Variants in TCERG1L observed in about 807,000 individuals in gnomAD.
The protein encoded by TCERG1L is transcription elongation regulator 1-like protein.
TCERG1L carries 37 observed loss-of-function variants against 56.3 expected under a neutral mutation model. That is an observed-to-expected ratio of 0.66 (90% CI 0.51 to 0.87). The LOEUF (loss-of-function observed/expected upper bound fraction) is 0.87. Among genes scored for constraint, TCERG1L ranks in the 40% least tolerant of loss-of-function variants. The probability of loss-of-function intolerance (pLI) is 0.00; values close to 1 mark genes in which losing one functional copy is unlikely to be tolerated. For missense variants in TCERG1L, 799 were observed against 774.2 expected (o/e 1.03, Z -0.38); for synonymous variants, 324 against 326.3 (o/e 0.99, Z 0.08).
intron 10 of TCERG1L, 57 bp from the exon 11 acceptor site, chr10:131,098,481 C>A (rs1270791191): frequency 9.2e-6 from 14 of 1,513,994 alleles, no homozygotes; most frequent in East Asian, 2.5e-5. Context: ...GAAATGAAAT[C>A]TTGTATTCCA....
intron 4 of TCERG1L, among the ~76,000 whole-genome samples, chr10:131,195,767 G>A (rs907691006): frequency 8.5e-5 from 13 of 152,202 alleles, no homozygotes; most frequent in Non-Finnish European, 1.5e-4. Context: ...CCCCTGCCAT[G>A]GCCGGCCATG....
chr10:131,274,918 A>T (rs1307432130), intron 3 of TCERG1L, among the ~76,000 whole-genome samples: 1 of 152,226 alleles, frequency 6.6e-6, no homozygotes, highest in African/African-American at 2.4e-5. Flanking sequence ...GGAGTCAGGC[A>T]GGCTCGAGAT....
At chr10:131,116,765 G>A (rs776647685) in intron 9 of TCERG1L, 34 bp downstream of exon 9, 91 of 1,544,856 alleles carry the variant, frequency 5.9e-5, no homozygotes, top group South Asian at 2.0e-4. Context: ...CGGGTCTGCC[G>A]TAGGAGTGCA....
At chr10:131,303,204 T>C (rs764269617) in intron 3 of TCERG1L, among the ~76,000 whole-genome samples, 2 of 152,116 alleles carry the variant, frequency 1.3e-5, no homozygotes, top group Non-Finnish European at 2.9e-5. Context: ...ATCACCATAC[T>C]GTCTTCCACA....
chr10:131,218,247 A>G (rs1288983144), intron 4 of TCERG1L, among the ~76,000 whole-genome samples: 1 of 152,214 alleles, frequency 6.6e-6, no homozygotes, highest in Non-Finnish European at 1.5e-5. Context: ...GTGCTGTGTA[A>G]GAAAGCACCA....
At chr10:131,298,169 G>A (rs1026277600) in intron 3 of TCERG1L, among the ~76,000 whole-genome samples, 14 of 146,082 alleles carry the variant, frequency 9.6e-5, no homozygotes, top group South Asian at 4.3e-4. Flanking sequence ...TAATATAGGC[G>A]TTTTAATGCT....
Position 131,309,021 on chromosome 10 carries a change from T to C in TCERG1L, c.489+132A>G, listed in dbSNP as rs557686078. 2.8e-5 allele frequency: 29 copies of C among 1,026,954 alleles called. No individual in the cohort carries two copies. The African/African-American group carries it at 4.0e-4, about 14-fold the overall frequency. 63.6% of individuals were successfully genotyped at this position (1,026,954 alleles called of 1,614,324 possible). ...TGAACAAATCAATCTAATCCTGAAATGATTTATTTCTATACCTAGATGGCC... is the reference window on the plus strand; with the variant it reads ...TGAACAAATCAATCTAATCCTGAAACGATTTATTTCTATACCTAGATGGCC... On this transcript the variant is annotated intron_variant, in intron 2 of 11. Coordinates refer to ENST00000368642, the MANE Select transcript of TCERG1L (RefSeq NM_174937.4).
chr10:131,237,982 C>T (rs1845931271), intron 4 of TCERG1L, among the ~76,000 whole-genome samples: 1 of 152,232 alleles, frequency 6.6e-6, no homozygotes, highest in African/African-American at 2.4e-5. Flanking sequence ...TAATGTGGAG[C>T]ATCCCTAACT....
At chr10:131,213,636 C>T (rs1370560166) in intron 4 of TCERG1L, among the ~76,000 whole-genome samples, 2 of 152,202 alleles carry the variant, frequency 1.3e-5, no homozygotes, top group Admixed American at 1.3e-4. Flanking sequence ...GATGCAGCTA[C>T]TTAATTATGC....
At chr10:131,108,901 G>A (rs143591815) in intron 9 of TCERG1L, among the ~76,000 whole-genome samples, 284 of 152,334 alleles carry the variant, frequency 1.9e-3, no homozygotes, top group Non-Finnish European at 3.3e-3. Context: ...CTGCCTGCAG[G>A]TCCTTGCCCC....
chr10:131,163,842 T>C (rs1846002920), intron 5 of TCERG1L, among the ~76,000 whole-genome samples: 1 of 152,112 alleles, frequency 6.6e-6, no homozygotes, highest in African/African-American at 2.4e-5. Context: ...ATAAGAATGT[T>C]TGAAATGCCA....
rs1846171973 is a variant in TCERG1L at position 131,256,985 on chromosome 10, GAAGGAAGGAAAGAAAGA to G, written c.856+3257_856+3273del. Among the ~76,000 whole-genome samples the G allele has an allele frequency of 2.4e-4, 19 of 79,926 alleles. No individual in the cohort carries two copies. The East Asian group carries it at 5.5e-3, about 23-fold the overall frequency. The allele number at this position is 79,926 out of a possible 152,430, so 52.4% of individuals were successfully genotyped here. A position where few individuals can be genotyped will look rare whatever the true frequency, so the allele number is the denominator to read the frequency against. On this transcript the variant is annotated intron_variant, in intron 4 of 11. Coordinates refer to ENST00000368642, the MANE Select transcript of TCERG1L (RefSeq NM_174937.4). ...GGAAGGAAGGAAGGAAGGAAGGAAG[GAAGGAAGGAAAGAAAGA>G]AAGAAAGAAAGAAAGAAAGAAAGAA...
At chr10:131,249,946 T>C (rs1322554019) in intron 4 of TCERG1L, among the ~76,000 whole-genome samples, 2 of 152,138 alleles carry the variant, frequency 1.3e-5, no homozygotes, top group Non-Finnish European at 2.9e-5. Context: ...AAAGCTCTGC[T>C]CCCAGAAAGG....
At chr10:131,135,744 G>T (rs566000515) in intron 7 of TCERG1L, among the ~76,000 whole-genome samples, 1 of 152,202 alleles carries the variant, frequency 6.6e-6, no homozygotes, top group Non-Finnish European at 1.5e-5. Context: ...GGGGTGCAAT[G>T]TATCTGCCCT....
intron 9 of TCERG1L, among the ~76,000 whole-genome samples, chr10:131,112,560 G>A (rs1012012541): frequency 7.0e-6 from 1 of 142,372 alleles, no homozygotes; most frequent in African/African-American, 2.5e-5. Flanking sequence ...TCGCAGGGAT[G>A]GGGAACACTC....
Position 131,116,869 on chromosome 10 carries a change from G to A in TCERG1L, c.1325C>T (p.Pro442Leu), listed in dbSNP as rs142542526. Reference protein sequence around the residue: ...AKREDKGTRTPPPQILLPLEE... With the variant: ...AKREDKGTRTLPPQILLPLEE... Reference sequence around the variant, plus strand: ...CAGAGGCAGGAGGATCTGCGGGGGCGGCGTCCTTGTGCCTTTGTCCTCTCT... The same window carrying A: ...CAGAGGCAGGAGGATCTGCGGGGGCAGCGTCCTTGTGCCTTTGTCCTCTCT... Residue 442 changes from proline to leucine, a missense_variant, in exon 9 of 12, where the codon CCG becomes CTG. By Grantham distance (98) the Pro-to-Leu change is moderately conservative. Transcript: ENST00000368642. The A allele has an allele frequency of 4.0e-5, 64 of 1,593,042 alleles. No individual in the cohort carries two copies. The highest frequency in any genetic ancestry group is 1.7e-4 in the Middle Eastern group (1 of 6,046).
intron 3 of TCERG1L, among the ~76,000 whole-genome samples, chr10:131,278,618 C>T (rs543841854): frequency 3.5e-4 from 54 of 152,288 alleles, no homozygotes; most frequent in Non-Finnish European, 7.4e-4. Context: ...GCTGGGATTA[C>T]AGGCATGAGC....
In TCERG1L at chr10:131,103,136, G is replaced by C. The variant is rs866063670; in HGVS notation, c.1485+1129C>G. Among the ~76,000 whole-genome samples the C allele has an allele frequency of 1.3e-5, 2 of 151,806 alleles. No homozygotes were observed. The highest frequency in any genetic ancestry group is 4.8e-5 in the African/African-American group (2 of 41,324). On this transcript the variant is annotated intron_variant, in intron 10 of 11. Transcript: ENST00000368642. The surrounding 1 kb of genome is among the most constrained non-coding windows in gnomAD (Gnocchi z 4.3). Reference sequence around the variant, plus strand: ...TGTCAACCTGAAGAACAAGCAGAAAGAGGCTCTCTGAAATGAAATGGATGC... The same window carrying C: ...TGTCAACCTGAAGAACAAGCAGAAACAGGCTCTCTGAAATGAAATGGATGC...
intron 7 of TCERG1L, among the ~76,000 whole-genome samples, chr10:131,139,449 G>A (rs767334522): frequency 1.3e-5 from 2 of 152,188 alleles, no homozygotes; most frequent in Non-Finnish European, 2.9e-5. Flanking sequence ...GCAGGGGATT[G>A]GAGGGAGAGG....
Sources: allele counts gnomAD v4.1 joint callset (sites outside exome capture counted in the v4.1 genomes callset), GRCh38; gene constraint gnomAD v4.1.1; non-coding constraint Gnocchi (gnomAD v3.1); transcripts MANE v1.5; gene names NCBI Gene and HGNC (gene_info 2026-07-23, HGNC 2026-07-21).